The following INSC variants were observed in gnomAD, a reference collection of about 807,000 sequenced individuals.
INSC encodes INSC spindle orientation adaptor protein.
A neutral mutation model predicts 58.6 loss-of-function variants in INSC; 67 were observed. The observed-to-expected ratio is 1.14, with a 90% CI of 0.94 to 1.40. The LOEUF (loss-of-function observed/expected upper bound fraction) is 1.40. Among genes scored for constraint, INSC ranks in the 40% most tolerant of loss-of-function variants. The pLI, the probability that INSC is intolerant of heterozygous loss-of-function variation, is 0.00. For synonymous variants in INSC, 262 were observed against 276.1 expected (o/e 0.95, Z 0.51); for missense variants, 714 against 692.0 (o/e 1.03, Z -0.36).
chr11:15,167,568 C>T (rs1277174972), intron 2 of INSC, among the ~76,000 whole-genome samples: 1 of 151,952 alleles, frequency 6.6e-6, no homozygotes, highest in Non-Finnish European at 1.5e-5. Flanking sequence ...TCAAGTGATC[C>T]TCCTGCCTCA....
At chr11:15,138,625 A>T (rs1276700104) in intron 1 of INSC, among the ~76,000 whole-genome samples, 2 of 152,236 alleles carry the variant, frequency 1.3e-5, no homozygotes, top group Non-Finnish European at 2.9e-5. Flanking sequence ...TTGGATCTGA[A>T]GTCTGGATAG....
At chr11:15,212,188 G>A (rs549850368) in intron 7 of INSC, among the ~76,000 whole-genome samples, 3 of 152,140 alleles carry the variant, frequency 2.0e-5, no homozygotes, top group African/African-American at 7.2e-5. Flanking sequence ...TGCAACCTCC[G>A]CCTCCCGGGT....
chr11:15,192,256 C>A (rs1411098407), intron 6 of INSC, among the ~76,000 whole-genome samples: 1 of 152,218 alleles, frequency 6.6e-6, no homozygotes, highest in Non-Finnish European at 1.5e-5. Flanking sequence ...TCTGTCCCAG[C>A]TGCTTGTCTG....
At chr11:15,149,011 G>A in intron 1 of INSC, 119 bp from the exon 2 acceptor site, 5 of 1,227,254 alleles carry the variant, frequency 4.1e-6, no homozygotes, top group Non-Finnish European at 5.3e-6. Flanking sequence ...CAGAAGAAGA[G>A]GGCTAAGAAG....
intron 7 of INSC, among the ~76,000 whole-genome samples, chr11:15,201,904 C>A (rs1540155): frequency 3.9e-5 from 6 of 151,976 alleles, no homozygotes; most frequent in African/African-American, 7.3e-5. Context: ...CCTGGCAGCC[C>A]AAATAACTCC....
the INSC span, among the ~76,000 whole-genome samples, chr11:15,261,106 A>G: frequency 6.6e-6 from 1 of 152,208 alleles, no homozygotes; most frequent in African/African-American, 2.4e-5. Context: ...TAGAAGCAGC[A>G]TATCCAAGAG....
chr11:15,170,122 G>C (rs1021448020), intron 2 of INSC, among the ~76,000 whole-genome samples: 3 of 152,094 alleles, frequency 2.0e-5, no homozygotes, highest in Admixed American at 6.5e-5. Flanking sequence ...TATGTAAATA[G>C]TTGTTATACT....
upstream of INSC, chr11:15,112,355 C>A: frequency 1.2e-6 from 1 of 852,398 alleles, no homozygotes; most frequent in Non-Finnish European, 1.8e-6. Context: ...CAAGCTTTGC[C>A]TTGAGTCACA....
At chr11:15,139,709 T>C (rs1242754265) in intron 1 of INSC, among the ~76,000 whole-genome samples, 1 of 152,208 alleles carries the variant, frequency 6.6e-6, no homozygotes, top group African/African-American at 2.4e-5. Context: ...GTCACACAGC[T>C]ATTAATGGAT....
intron 12 of INSC, among the ~76,000 whole-genome samples, chr11:15,242,337 T>G (rs1209193656): frequency 6.6e-6 from 1 of 152,204 alleles, no homozygotes; most frequent in Non-Finnish European, 1.5e-5. Flanking sequence ...CTTGAAGGAC[T>G]TTCAAGCCGA....
At chr11:15,117,062 C>G (rs2133676470) in intron 1 of INSC, among the ~76,000 whole-genome samples, 1 of 150,854 alleles carries the variant, frequency 6.6e-6, no homozygotes, top group East Asian at 1.9e-4. Flanking sequence ...CCTGCCTCAG[C>G]CCCTGAGTAG....
At chr11:15,145,636 A>G (rs1447267359) in intron 1 of INSC, among the ~76,000 whole-genome samples, 1 of 152,176 alleles carries the variant, frequency 6.6e-6, no homozygotes, top group African/African-American at 2.4e-5. Context: ...TTTAGGGCCT[A>G]TCTCTGTCCA....
intron 6 of INSC, among the ~76,000 whole-genome samples, chr11:15,194,347 C>T (rs1306792364): frequency 6.6e-6 from 1 of 152,148 alleles, no homozygotes; most frequent in East Asian, 1.9e-4. Context: ...TTCCCAGTGC[C>T]CACTCGGTAT....
chr11:15,185,864 A>G (rs879241267), intron 5 of INSC, among the ~76,000 whole-genome samples: 5 of 152,172 alleles, frequency 3.3e-5, no homozygotes, highest in Non-Finnish European at 7.3e-5. Context: ...TAAACTTATG[A>G]TAAAAAAATT....
In INSC at chr11:15,178,441, G is replaced by A. The variant is rs778140363; in HGVS notation, c.573G>A (p.Glu191=). ...TGCTGGAGCTGGCCCTGACACGGGA[G>A]GTTCAGGTCAGTGCAGGCTGGGCTG... ...GQLLELALTR[E]VQALVRKIDA... The change falls in exon 5 of 13, where the codon GAG becomes GAA. Residue 191 remains glutamate (E), a synonymous_variant. Transcript: ENST00000379556. 15 of 1,610,328 alleles carry A rather than the reference G, an allele frequency of 9.3e-6. No individual in the cohort carries two copies. The highest frequency in any genetic ancestry group is 5.5e-5 in the South Asian group (5 of 91,064).
intron 9 of INSC, among the ~76,000 whole-genome samples, chr11:15,230,944 G>A (rs765097298): frequency 4.5e-4 from 69 of 152,216 alleles, no homozygotes; most frequent in Middle Eastern, 3.4e-3. Context: ...GAAGACCCAC[G>A]TACCAGAGAG....
intron 6 of INSC, among the ~76,000 whole-genome samples, chr11:15,197,093 A>C (rs1373566341): frequency 6.6e-6 from 1 of 152,344 alleles, no homozygotes; most frequent in East Asian, 1.9e-4. Context: ...ATATGTCATA[A>C]TTATAATTCC....
chr11:15,243,872 TTTTC>T lies in INSC; in HGVS notation c.1471-2036_1471-2033del, dbSNP rs544233270. ...CTCCCCCTAAGGGCTCTCTCTTTTA[TTTTC>T]TTTGCCACTATTTCTTTTTTTTTTT... is the stretch of plus-strand genomic sequence containing the variant. On this transcript the variant is annotated intron_variant, in intron 12 of 12. Coordinates refer to ENST00000379556, the MANE Select transcript of INSC (RefSeq NM_001042536.3). Among the ~76,000 whole-genome samples the T allele has an allele frequency of 5.9e-5, 9 of 151,496 alleles. No homozygotes were observed. In the East Asian group the frequency reaches 1.7e-3, roughly 29 times the overall value.
the INSC span, among the ~76,000 whole-genome samples, chr11:15,262,548 G>C: frequency 6.6e-6 from 1 of 151,956 alleles, no homozygotes; most frequent in Non-Finnish European, 1.5e-5. Context: ...AGGCTGAAAG[G>C]AAAACTGCAG....
Sources: gnomAD v4.1 joint callset for allele counts (sites outside exome capture counted in the v4.1 genomes callset) on GRCh38, gnomAD v4.1.1 for gene constraint, MANE v1.5 for transcripts, NCBI Gene and HGNC (gene_info 2026-07-23, HGNC 2026-07-21) for gene names.